DUS2: variants seen among roughly 807,000 people sequenced by gnomAD.
DUS2 encodes the protein dihydrouridine synthase 2, also known as tRNA-dihydrouridine(20) synthase [NAD(P)+]-like.
A neutral mutation model predicts 71.3 loss-of-function variants in DUS2; 52 were observed. That is an observed-to-expected ratio of 0.73 (90% CI 0.58 to 0.92). DUS2 has a LOEUF of 0.92. Ranked by LOEUF, DUS2 falls within the 40% of genes least tolerant of loss-of-function variation. The pLI, the probability that DUS2 is intolerant of heterozygous loss-of-function variation, is 0.00. For synonymous variants in DUS2, 204 were observed against 227.8 expected, an observed-to-expected ratio of 0.90 and a Z score of 0.94; for missense variants, 558 against 622.6, an observed-to-expected ratio of 0.90 and a Z score of 1.10.
Position 68,078,988 on chromosome 16 carries a change from T to A in DUS2, c.*2T>A, listed in dbSNP as rs774717402. On this transcript the variant is annotated 3_prime_UTR_variant, in exon 17 of 17. Transcript: ENST00000565263. ...GAAAGCCCCCTGGAAGGCTGGTGAC[T>A]ACTCTTCCTGCCTTAGTCACCCCTC... 1 of 1,554,984 alleles carries A rather than the reference T, an allele frequency of 6.4e-7. No individual in the cohort carries two copies. The highest frequency in any genetic ancestry group is 8.7e-7 in the Non-Finnish European group (1 of 1,147,590).
intron 7 of DUS2, among the ~76,000 whole-genome samples, chr16:68,057,010 ATAAT>A (rs1415159648): frequency 7.2e-6 from 1 of 139,408 alleles, no homozygotes; most frequent in East Asian, 2.0e-4. Flanking sequence ...TATATAATAT[ATAAT>A]TATATAATAC....
Position 68,023,358 on chromosome 16 carries a change from A to T in DUS2, c.-99+7A>T. ...TTAAGAGTTCAGCTGCGAGGTCTGT[A>T]GCTCCGAATAGGGGATGGCGACATC... On this transcript the variant is annotated splice_region_variant and intron_variant, in intron 1 of 16. Transcript: ENST00000565263. The T allele has an allele frequency of 1.1e-6, 1 of 904,592 alleles. No individual in the cohort carries two copies. Among genetic ancestry groups the T allele is most frequent in the Non-Finnish European group, 1.6e-6 (1 of 607,078 alleles). The allele number at this position is 904,592 out of a possible 1,614,324, so 56.0% of individuals were successfully genotyped here.
At chr16:68,074,590 G>A (rs2034132103) in intron 13 of DUS2, among the ~76,000 whole-genome samples, 1 of 152,168 alleles carries the variant, frequency 6.6e-6, no homozygotes, top group Non-Finnish European at 1.5e-5. Flanking sequence ...GACAGTTGAG[G>A]CCCTTCACAA....
chr16:68,061,210 G>A (rs2033936212), intron 8 of DUS2, 97 bp downstream of exon 8: 4 of 1,284,220 alleles, frequency 3.1e-6, no homozygotes, highest in South Asian at 2.5e-5. Flanking sequence ...ATTTACTGAT[G>A]TCCACCCAGT....
intron 12 of DUS2, 94 bp downstream of exon 12, chr16:68,071,202 G>A (rs2034082339): frequency 1.4e-6 from 2 of 1,396,592 alleles, no homozygotes; most frequent in Non-Finnish European, 2.0e-6. Flanking sequence ...TGCCAGCTGT[G>A]CTTGCTGTTC....
At chr16:68,036,813 C>G (rs2033537086) in intron 2 of DUS2, among the ~76,000 whole-genome samples, 1 of 152,138 alleles carries the variant, frequency 6.6e-6, no homozygotes, top group Non-Finnish European at 1.5e-5. Context: ...GCCTCAGGAC[C>G]TTTGCATTGG....
intron 3 of DUS2, among the ~76,000 whole-genome samples, chr16:68,039,238 A>G (rs2033583545): frequency 6.6e-6 from 1 of 152,040 alleles, no homozygotes; most frequent in South Asian, 2.1e-4. Context: ...GGAAGGCAAA[A>G]GTCAGGTTTG....
At chr16:68,061,016 G>A (rs771380418) in intron 7 of DUS2, 50 bp from the exon 8 acceptor site, 4 of 1,586,228 alleles carry the variant, frequency 2.5e-6, no homozygotes, top group Non-Finnish European at 3.5e-6. Flanking sequence ...CATGGAGAGG[G>A]CCATAGTGTC....
At position 68,038,009 on chromosome 16, in the gene DUS2, G is replaced by A; in HGVS notation, c.-15G>A. 1 of 1,606,146 alleles carries A rather than the reference G, an allele frequency of 6.2e-7. No homozygotes were observed. The highest frequency in any genetic ancestry group is 8.5e-7 in the Non-Finnish European group (1 of 1,177,174). On this transcript the variant is annotated 5_prime_UTR_variant, in exon 3 of 17. Transcript: ENST00000565263. ...TTGTTTCCTCTTTTTTTTTCAGGCT[G>A]TAACAGAGGAGGAAATGATTTTGAA...
At chr16:68,036,206 G>C (rs1262746612) in intron 2 of DUS2, among the ~76,000 whole-genome samples, 2 of 151,120 alleles carry the variant, frequency 1.3e-5, no homozygotes, top group East Asian at 3.9e-4. Context: ...TGTCGCCCAG[G>C]CTGGAGTGCG....
At chr16:68,053,077 C>T (rs2033802764) in intron 4 of DUS2, among the ~76,000 whole-genome samples, 1 of 152,064 alleles carries the variant, frequency 6.6e-6, no homozygotes, top group African/African-American at 2.4e-5. Flanking sequence ...ATTCTCCTGC[C>T]TCAGCCTCTC....
chr16:68,040,838 T>G, intron 3 of DUS2, among the ~76,000 whole-genome samples: 1 of 151,324 alleles, frequency 6.6e-6, no homozygotes, highest in African/African-American at 2.4e-5. Flanking sequence ...CGGGGGGGAG[T>G]TGATGTGAGG....
At chr16:68,050,161 G>A (rs1319396678) in intron 4 of DUS2, among the ~76,000 whole-genome samples, 2 of 150,854 alleles carry the variant, frequency 1.3e-5, no homozygotes, top group Admixed American at 6.6e-5. Flanking sequence ...TTTTTGAGAC[G>A]GAATCTCCCT....
chr16:68,038,603 G>A (rs1312417344), intron 3 of DUS2, among the ~76,000 whole-genome samples: 2 of 151,710 alleles, frequency 1.3e-5, no homozygotes. Flanking sequence ...AGTGTTACGT[G>A]CCTGTAGTCC....
At chr16:68,060,309 CTTTTT>C (rs1385691423) in intron 7 of DUS2, among the ~76,000 whole-genome samples, 1 of 151,928 alleles carries the variant, frequency 6.6e-6, no homozygotes, top group African/African-American at 2.4e-5. Flanking sequence ...AGAATGATGA[CTTTTT>C]TGTTTGTTTG....
At chr16:68,070,915 C>T in intron 11 of DUS2, 25 bp from the exon 12 acceptor site, 1 of 1,613,100 alleles carries the variant, frequency 6.2e-7, no homozygotes, top group Non-Finnish European at 8.5e-7. Flanking sequence ...ATGGGGACAC[C>T]CCTAACCCTC....
chr16:68,066,201 A>T (rs2034002543), intron 8 of DUS2, 116 bp from the exon 9 acceptor site: 2 of 909,108 alleles, frequency 2.2e-6, no homozygotes, highest in East Asian at 2.4e-5. Context: ...GCATTCACAC[A>T]TATGCAAACT....
Position 68,066,313 on chromosome 16 carries a change from G to T in DUS2, c.418-4G>T. The T allele has an allele frequency of 6.2e-7, 1 of 1,614,076 alleles. No individual in the cohort carries two copies. Among genetic ancestry groups the T allele is most frequent in the East Asian group, 2.2e-5 (1 of 44,892 alleles). ...TAGGTGCTCTTGTGTTTTCCTTTCTGCAGATCCTCAGCACTCTTGTTAAAG... is the reference window on the plus strand; with the variant it reads ...TAGGTGCTCTTGTGTTTTCCTTTCTTCAGATCCTCAGCACTCTTGTTAAAG... On this transcript the variant is annotated splice_polypyrimidine_tract_variant and splice_region_variant and intron_variant, in intron 8 of 16. Coordinates refer to ENST00000565263, the MANE Select transcript of DUS2 (RefSeq NM_017803.5).
At chr16:68,049,337 T>C (rs2033745950) in intron 3 of DUS2, among the ~76,000 whole-genome samples, 168 bp from the exon 4 acceptor site, 1 of 152,170 alleles carries the variant, frequency 6.6e-6, no homozygotes, top group Admixed American at 6.6e-5. Context: ...TGGCTCCTGC[T>C]TGCCATGCTT....
Sources: allele counts gnomAD v4.1 joint callset (sites outside exome capture counted in the v4.1 genomes callset), GRCh38; gene constraint gnomAD v4.1.1; transcripts MANE v1.5; gene names NCBI Gene and HGNC (gene_info 2026-07-23, HGNC 2026-07-21).